Variants in ARHGAP24 observed in about 807,000 individuals in gnomAD.
ARHGAP24 encodes the protein Rho GTPase activating protein 24.
ARHGAP24 carries 50 observed loss-of-function variants against 76.4 expected under a neutral mutation model. The ratio of observed to expected loss-of-function variants is 0.65; its 90% confidence interval spans 0.52 to 0.83. The LOEUF (loss-of-function observed/expected upper bound fraction) is 0.83, where lower values mean the gene tolerates loss of function less well. Ranked by LOEUF, ARHGAP24 falls within the 40% of genes least tolerant of loss-of-function variation. The pLI is 0.00. For synonymous variants in ARHGAP24, 345 were observed against 323.3 expected (o/e 1.07, Z -0.72); for missense variants, 930 against 914.2 (o/e 1.02, Z -0.22).
chr4:85,590,552 G>T (rs192223070), intron 2 of ARHGAP24, among the ~76,000 whole-genome samples: 2 of 151,766 alleles, frequency 1.3e-5, no homozygotes, highest in Non-Finnish European at 2.9e-5. Flanking sequence ...TAGAGACGGG[G>T]TTTCACCATG....
chr4:85,968,525 A>G (rs1372144264), intron 5 of ARHGAP24, among the ~76,000 whole-genome samples: 6 of 152,162 alleles, frequency 3.9e-5, no homozygotes, highest in Non-Finnish European at 8.8e-5. Context: ...TGGATTTTCA[A>G]TAGGAGATAG....
At chr4:85,934,044 G>A (rs577503868) in intron 4 of ARHGAP24, among the ~76,000 whole-genome samples, 1 of 152,248 alleles carries the variant, frequency 6.6e-6, no homozygotes. Flanking sequence ...AACCTAAGTA[G>A]TGGCTTTTCA....
chr4:85,852,710 C>T (rs1056361227), intron 3 of ARHGAP24, among the ~76,000 whole-genome samples: 8 of 152,160 alleles, frequency 5.3e-5, no homozygotes, highest in African/African-American at 1.9e-4. Flanking sequence ...CAGTCAGGTC[C>T]CTCAGCTGCA....
At chr4:85,550,311 C>G (rs1726079050) in intron 1 of ARHGAP24, among the ~76,000 whole-genome samples, 3 of 152,248 alleles carry the variant, frequency 2.0e-5, no homozygotes, top group Middle Eastern at 6.8e-3. Context: ...GAATTCTTTC[C>G]CCATTGCTTG....
At chr4:85,709,450 T>G (rs1278779377) in intron 2 of ARHGAP24, among the ~76,000 whole-genome samples, 1 of 151,942 alleles carries the variant, frequency 6.6e-6, no homozygotes, top group African/African-American at 2.4e-5. Context: ...CTTAGTAAAT[T>G]AGGAATAGAG....
Position 85,994,543 on chromosome 4 carries a change from CTG to C in ARHGAP24, c.929-38_929-37del, listed in dbSNP as rs1315419820. 3 of 1,572,664 alleles carry C rather than the reference CTG, an allele frequency of 1.9e-6. No individual in the cohort carries two copies. In the African/African-American group the frequency reaches 4.1e-5, roughly 21 times the overall value. On this transcript the variant is annotated intron_variant, in intron 8 of 9. Transcript: ENST00000395184. ...ACATTGAAATAGAAATAAATAAAAACTGTCTCACTCATGCTACTTTATGTTCT... is the reference window on the plus strand; with the variant it reads ...ACATTGAAATAGAAATAAATAAAAACTCTCACTCATGCTACTTTATGTTCT...
chr4:85,662,699 G>A (rs374225657), intron 2 of ARHGAP24, among the ~76,000 whole-genome samples: 3 of 152,042 alleles, frequency 2.0e-5, no homozygotes, highest in East Asian at 1.9e-4. Context: ...TTTGTATAAG[G>A]TGTAAGGAAG....
chr4:85,624,053 T>TC (rs564208409), intron 2 of ARHGAP24, among the ~76,000 whole-genome samples: 5 of 152,110 alleles, frequency 3.3e-5, no homozygotes, highest in Admixed American at 6.6e-5. Context: ...TTTGACTTCC[T>TC]TTTTCCTAAT....
rs530209750 is a variant in ARHGAP24, at chr4:85,998,500, A to G, written c.2004-1979A>G. On this transcript the variant is annotated intron_variant, in intron 9 of 9. Coordinates refer to ENST00000395184, the MANE Select transcript of ARHGAP24 (RefSeq NM_001025616.3). ...CAACTTACATCTTTACAATTCTGGA[A>G]TATTTTTTTCATCATCTTTTTGTCT... is the stretch of plus-strand genomic sequence containing the variant. Among the ~76,000 whole-genome samples the G allele has an allele frequency of 1.4e-4, 22 of 152,112 alleles. No individual in the cohort carries two copies. In the South Asian group the frequency reaches 4.4e-3, roughly 30 times the overall value.
chr4:85,519,192 A>G (rs552241974), intron 1 of ARHGAP24, among the ~76,000 whole-genome samples: 1 of 152,312 alleles, frequency 6.6e-6, no homozygotes, highest in East Asian at 1.9e-4. Context: ...CTTGATTACA[A>G]TGACCTTGGG....
chr4:85,540,848 T>C (rs1725653206), intron 1 of ARHGAP24, among the ~76,000 whole-genome samples: 1 of 152,192 alleles, frequency 6.6e-6, no homozygotes, highest in Non-Finnish European at 1.5e-5. Flanking sequence ...GCACTGCTTT[T>C]GCTTAGAAGT....
intron 1 of ARHGAP24, among the ~76,000 whole-genome samples, chr4:85,550,819 T>A (rs530776222): frequency 6.6e-6 from 1 of 152,282 alleles, no homozygotes; most frequent in African/African-American, 2.4e-5. Flanking sequence ...CTGTTGTAAA[T>A]GGGATTGCAT....
chr4:85,964,687 A>AT, intron 5 of ARHGAP24, among the ~76,000 whole-genome samples: 1 of 152,174 alleles, frequency 6.6e-6, no homozygotes, highest in East Asian at 1.9e-4. Flanking sequence ...AATATCCATA[A>AT]TTTTTTTCAG....
chr4:85,708,193 ATATG>A (rs1302416732), intron 2 of ARHGAP24, among the ~76,000 whole-genome samples: 4 of 152,154 alleles, frequency 2.6e-5, no homozygotes, highest in African/African-American at 9.7e-5. Flanking sequence ...TCACTTTTCA[ATATG>A]TATAGTAATA....
intron 2 of ARHGAP24, among the ~76,000 whole-genome samples, chr4:85,594,431 G>A (rs534065410): frequency 7.2e-5 from 11 of 151,928 alleles, no homozygotes; most frequent in East Asian, 1.9e-4. Flanking sequence ...CAATTTGGTC[G>A]CCCCTTATTT....
At position 85,760,376 on chromosome 4, in the gene ARHGAP24, G is replaced by T. The variant is rs1198913759; in HGVS notation, c.268+38404G>T. ...ATGACTGACCGAGTCATGAGTTTTG[G>T]TTTTTTGCTCCTTATTTGTAAATGT... On this transcript the variant is annotated intron_variant, in intron 3 of 9. Transcript: ENST00000395184. Among the ~76,000 whole-genome samples the T allele has an allele frequency of 2.6e-5, 4 of 152,020 alleles. No individual in the cohort carries two copies. In the East Asian group the frequency reaches 5.8e-4, roughly 22 times the overall value.
At chr4:85,603,048 C>A (rs1720083576) in intron 2 of ARHGAP24, among the ~76,000 whole-genome samples, 1 of 152,142 alleles carries the variant, frequency 6.6e-6, no homozygotes, top group South Asian at 2.1e-4. Flanking sequence ...TTAAAATGTA[C>A]CAGCCAATTT....
chr4:85,615,492 T>C (rs1317245585), intron 2 of ARHGAP24, among the ~76,000 whole-genome samples: 1 of 152,178 alleles, frequency 6.6e-6, no homozygotes, highest in Non-Finnish European at 1.5e-5. Context: ...GGTACCATTT[T>C]CTAAGGGTTG....
At chr4:85,799,361 A>T (rs938035108) in intron 3 of ARHGAP24, among the ~76,000 whole-genome samples, 4 of 152,190 alleles carry the variant, frequency 2.6e-5, no homozygotes, top group Non-Finnish European at 5.9e-5. Context: ...GGGCCCACTA[A>T]CCAACTTGAA....
Sources: gnomAD v4.1 joint callset for allele counts (sites outside exome capture counted in the v4.1 genomes callset) on GRCh38, gnomAD v4.1.1 for gene constraint, MANE v1.5 for transcripts, NCBI Gene and HGNC (gene_info 2026-07-23, HGNC 2026-07-21) for gene names.